The following MIA2 variants were observed in gnomAD, a reference collection of about 807,000 sequenced individuals.
MIA2 encodes MIA SH3 domain ER export factor 2, also known as melanoma inhibitory activity protein 2.
Under a neutral mutation model 167.8 loss-of-function variants are expected in MIA2, and 127 were observed. That is an observed-to-expected ratio of 0.76 (90% confidence interval 0.66 to 0.88). The LOEUF (loss-of-function observed/expected upper bound fraction) is 0.88, where lower values mean the gene tolerates loss of function less well. MIA2 is among the 40% of genes least tolerant of loss of function. The pLI, the probability that MIA2 is intolerant of heterozygous loss-of-function variation, is 0.00. For missense variants in MIA2, 1,690 were observed against 1,624.7 expected, an observed-to-expected ratio of 1.04 and a Z score of -0.69; for synonymous variants, 552 against 541.9, an observed-to-expected ratio of 1.02 and a Z score of -0.26.
At chr14:39,290,229 A>G (rs963374323) in intron 9 of MIA2, among the ~76,000 whole-genome samples, 1 of 152,194 alleles carries the variant, frequency 6.6e-6, no homozygotes, top group Non-Finnish European at 1.5e-5. Flanking sequence ...TAGGGGGAAT[A>G]GAAATGTCAA....
chr14:39,298,443 A>AT (rs1372100362), intron 13 of MIA2, among the ~76,000 whole-genome samples: 1,398 of 49,974 alleles, frequency 0.028, 162 homozygotes, highest in African/African-American at 0.093. Context: ...ATATATATAT[A>AT]AAGATTAGTT....
intron 18 of MIA2, among the ~76,000 whole-genome samples, chr14:39,310,452 G>A (rs1255453753): frequency 8.5e-5 from 13 of 152,084 alleles, no homozygotes; most frequent in Non-Finnish European, 7.4e-5. Flanking sequence ...TTGGCTGTGA[G>A]TTCAATGTCA....
intron 25 of MIA2, among the ~76,000 whole-genome samples, chr14:39,327,962 T>C (rs2152997530): frequency 6.6e-6 from 1 of 152,358 alleles, no homozygotes; most frequent in African/African-American, 2.4e-5. Flanking sequence ...TAGAATGATT[T>C]ATAATCCTTT....
intron 13 of MIA2, among the ~76,000 whole-genome samples, chr14:39,299,476 T>A (rs1343695444): frequency 1.3e-5 from 2 of 152,016 alleles, no homozygotes; most frequent in Non-Finnish European, 2.9e-5. Context: ...CCAAGCTAAT[T>A]TTTGTGTTTT....
chr14:39,255,078 A>C (rs1566604561), intron 6 of MIA2, among the ~76,000 whole-genome samples: 1 of 152,198 alleles, frequency 6.6e-6, no homozygotes, highest in Non-Finnish European at 1.5e-5. Flanking sequence ...TTTTGCTTTC[A>C]GAGGCCTCTT....
intron 18 of MIA2, among the ~76,000 whole-genome samples, chr14:39,309,166 C>G (rs1192981504): frequency 6.6e-6 from 1 of 152,162 alleles, no homozygotes; most frequent in Non-Finnish European, 1.5e-5. Context: ...ACAGTTAATA[C>G]CCGGCTTATT....
chr14:39,295,087 C>T (rs901644752), intron 13 of MIA2, 58 bp downstream of exon 13: 2 of 1,203,540 alleles, frequency 1.7e-6, no homozygotes, highest in Admixed American at 3.4e-5. Flanking sequence ...ATGTTCTTGT[C>T]ATCCTCATGA....
chr14:39,282,968 C>T (rs772954958), intron 9 of MIA2, among the ~76,000 whole-genome samples: 2 of 152,118 alleles, frequency 1.3e-5, no homozygotes, highest in Non-Finnish European at 2.9e-5. Context: ...ACAAAAATTC[C>T]GCATATAAGT....
chr14:39,264,720 A>C (rs1394361542), intron 6 of MIA2, among the ~76,000 whole-genome samples: 5 of 152,214 alleles, frequency 3.3e-5, no homozygotes, highest in Non-Finnish European at 5.9e-5. Flanking sequence ...TTTCTTCCAA[A>C]AGAGTAAATC....
intron 25 of MIA2, among the ~76,000 whole-genome samples, chr14:39,345,024 A>T (rs2072918369): frequency 6.6e-6 from 1 of 152,078 alleles, no homozygotes; most frequent in Non-Finnish European, 1.5e-5. Context: ...AGTGGTACTC[A>T]TCTGTTGAGT....
intron 26 of MIA2, among the ~76,000 whole-genome samples, chr14:39,346,593 T>A (rs1480812539): frequency 6.6e-6 from 1 of 151,074 alleles, no homozygotes; most frequent in Admixed American, 6.6e-5. Context: ...AAAATAAAAA[T>A]TTTTTTTAAA....
At chr14:39,255,289 G>A (rs932135254) in intron 6 of MIA2, among the ~76,000 whole-genome samples, 4 of 152,150 alleles carry the variant, frequency 2.6e-5, no homozygotes, top group African/African-American at 9.7e-5. Context: ...GGGCCGATCA[G>A]TTGAGGTCAA....
chr14:39,345,345 A>G (rs1174788856), intron 25 of MIA2, among the ~76,000 whole-genome samples: 1 of 152,158 alleles, frequency 6.6e-6, no homozygotes, highest in Non-Finnish European at 1.5e-5. Context: ...AAGTGCTGGT[A>G]TTACAGGTGT....
intron 25 of MIA2, among the ~76,000 whole-genome samples, chr14:39,344,675 T>C (rs940677532): frequency 6.6e-6 from 1 of 152,170 alleles, no homozygotes; most frequent in Non-Finnish European, 1.5e-5. Flanking sequence ...ATAAAGTCAA[T>C]TAGAGGCAAT....
intron 9 of MIA2, among the ~76,000 whole-genome samples, chr14:39,280,088 G>C (rs879698930): frequency 2.6e-5 from 4 of 152,028 alleles, no homozygotes; most frequent in Non-Finnish European, 5.9e-5. Flanking sequence ...TTTCCTGGGC[G>C]TGTCGAGTTA....
intron 4 of MIA2, among the ~76,000 whole-genome samples, chr14:39,249,480 G>A (rs901053249): frequency 5.9e-5 from 9 of 151,746 alleles, no homozygotes; most frequent in East Asian, 1.9e-4. Flanking sequence ...ATGAGCTACC[G>A]TGCCCAGCTG....
chr14:39,297,376 G>A (rs1195333443), intron 13 of MIA2, among the ~76,000 whole-genome samples: 4 of 152,142 alleles, frequency 2.6e-5, no homozygotes, highest in Admixed American at 2.6e-4. Context: ...ACACGCATGA[G>A]CCACCACGCC....
At position 39,291,031 on chromosome 14, in the gene MIA2, G is replaced by A; in HGVS notation, c.2143G>A (p.Glu715Lys). ...TGCTTTGTTTCAGTATGAAGGCTATGAAGTAGAGTCATCTTTAAAGGATGC... is the reference window on the plus strand; with the variant it reads ...TGCTTTGTTTCAGTATGAAGGCTATAAAGTAGAGTCATCTTTAAAGGATGC... Reference protein sequence around the residue: ...SLVQKEYEGYEVESSLKDASF... With the variant: ...SLVQKEYEGYKVESSLKDASF... Residue 715 changes from glutamate (E) to lysine (K), a missense_variant, in exon 10 of 29, where the codon GAA (glutamate) becomes AAA (lysine). Physicochemically the swap from Glu to Lys is moderately conservative, Grantham distance 56 (BLOSUM62 1). Coordinates refer to ENST00000640607, the MANE Select transcript of MIA2 (RefSeq NM_001329214.4). 2.5e-6 allele frequency: 4 copies of A among 1,608,090 alleles called. No individual in the cohort carries two copies. The highest frequency in any genetic ancestry group is 3.4e-6 in the Non-Finnish European group (4 of 1,177,950).
downstream of MIA2, among the ~76,000 whole-genome samples, chr14:39,352,051 G>A (rs1042293935): frequency 1.3e-5 from 2 of 151,922 alleles, no homozygotes; most frequent in Non-Finnish European, 2.9e-5. Flanking sequence ...ATAGGCTAAT[G>A]ATACATTTAG....
Sources: allele counts gnomAD v4.1 joint callset (sites outside exome capture counted in the v4.1 genomes callset), GRCh38; gene constraint gnomAD v4.1.1; transcripts MANE v1.5; gene names NCBI Gene and HGNC (gene_info 2026-07-23, HGNC 2026-07-21).